ST7: variants seen among roughly 807,000 people sequenced by gnomAD.
ST7 encodes the protein suppression of tumorigenicity 7.
Under a neutral mutation model 78.7 loss-of-function variants are expected in ST7, and 28 were observed. The ratio of observed to expected loss-of-function variants is 0.36; its 90% CI spans 0.26 to 0.49. The LOEUF (loss-of-function observed/expected upper bound fraction) is 0.49. ST7 is among the 20% of genes least tolerant of loss of function. The pLI is 0.99. For missense variants in ST7, 418 were observed against 696.0 expected (o/e 0.60, Z 4.49); for synonymous variants, 247 against 249.6 (o/e 0.99, Z 0.10).
intron 1 of ST7, among the ~76,000 whole-genome samples, chr7:117,006,900 A>G (rs1403247566): frequency 6.6e-6 from 1 of 152,186 alleles, no homozygotes; most frequent in Non-Finnish European, 1.5e-5. Context: ...GGGTGCCGCA[A>G]ACCACATCCA....
rs1465703673 is a variant in ST7 at position 117,106,242 on chromosome 7, C to T, written c.234+6398C>T. 2.6e-5 allele frequency among the ~76,000 whole-genome samples: 4 copies of T among 152,232 alleles called. No homozygotes were observed. In the East Asian group the frequency reaches 7.8e-4, roughly 30 times the overall value. ...CTCGATCTCCTGACCTCAAGATCCA[C>T]CCGCCTCGGCCTCCCAAAGTGCTGG... On this transcript the variant is annotated intron_variant, in intron 2 of 15. Coordinates refer to ENST00000323984, the MANE Select transcript of ST7 (RefSeq NM_001369598.1).
At chr7:117,095,730 T>C (rs1800978247) in intron 1 of ST7, among the ~76,000 whole-genome samples, 1 of 152,170 alleles carries the variant, frequency 6.6e-6, no homozygotes, top group Non-Finnish European at 1.5e-5. Flanking sequence ...TTGTTTTGCC[T>C]AGCCCTAACA....
intron 1 of ST7, among the ~76,000 whole-genome samples, chr7:117,080,438 A>G: frequency 6.6e-6 from 1 of 152,156 alleles, no homozygotes; most frequent in East Asian, 1.9e-4. Context: ...TATCATATAG[A>G]TATTTAATAT....
At chr7:117,020,593 C>A (rs777442550) in intron 1 of ST7, 1 of 1,550,040 alleles carries the variant, frequency 6.5e-7, no homozygotes, top group South Asian at 1.2e-5. Flanking sequence ...TAAAAAGCAG[C>A]CTCTGGAGCC....
intron 6 of ST7, among the ~76,000 whole-genome samples, chr7:117,133,191 T>G (rs574315664): frequency 6.6e-6 from 1 of 152,080 alleles, no homozygotes; most frequent in South Asian, 2.1e-4. Flanking sequence ...TGTTCTGTAG[T>G]TTGGGAAGTC....
At chr7:117,203,499 T>C (rs945746768) in intron 12 of ST7, among the ~76,000 whole-genome samples, 3 of 152,212 alleles carry the variant, frequency 2.0e-5, no homozygotes, top group Admixed American at 2.0e-4. Flanking sequence ...TTTGGTAGGC[T>C]TTGATGCTTT....
chr7:117,032,303 G>GT (rs1796643975), intron 1 of ST7, among the ~76,000 whole-genome samples: 1 of 151,820 alleles, frequency 6.6e-6, no homozygotes, highest in East Asian at 1.9e-4. Flanking sequence ...CTTGTTTGTC[G>GT]TATCTTAGGA....
At chr7:117,033,696 T>A (rs1353507970) in intron 1 of ST7, among the ~76,000 whole-genome samples, 2 of 152,212 alleles carry the variant, frequency 1.3e-5, no homozygotes, top group African/African-American at 4.8e-5. Context: ...AGTGCTGGGA[T>A]TACAGGCGTG....
intron 2 of ST7, among the ~76,000 whole-genome samples, chr7:117,104,175 T>TA (rs1801780504): frequency 5.9e-5 from 9 of 152,210 alleles, no homozygotes; most frequent in Admixed American, 2.6e-4. Flanking sequence ...GTGCAGTGGC[T>TA]CACGCCTGCA....
chr7:117,058,257 C>A (rs778254249), intron 1 of ST7, among the ~76,000 whole-genome samples: 9 of 151,938 alleles, frequency 5.9e-5, no homozygotes, highest in Non-Finnish European at 1.2e-4. Context: ...TGCACAAGAG[C>A]GGTTATTTCC....
intron 2 of ST7, among the ~76,000 whole-genome samples, chr7:117,103,410 G>A (rs1563083327): frequency 2.0e-5 from 3 of 152,144 alleles, no homozygotes; most frequent in African/African-American, 7.2e-5. Flanking sequence ...CAGACACATA[G>A]CAATGGAACA....
At chr7:116,995,653 A>G (rs193137841) in intron 1 of ST7, among the ~76,000 whole-genome samples, 1 of 152,254 alleles carries the variant, frequency 6.6e-6, no homozygotes, top group East Asian at 1.9e-4. Context: ...CATTCCTGCT[A>G]TTCAGCTCCT....
intron 1 of ST7, among the ~76,000 whole-genome samples, chr7:117,001,823 T>C (rs957056550): frequency 6.6e-6 from 1 of 152,190 alleles, no homozygotes; most frequent in Admixed American, 6.5e-5. Context: ...CTTTTGTTGT[T>C]CCACAAAGAT....
At chr7:117,120,112 G>A (rs1344470476) in intron 3 of ST7, among the ~76,000 whole-genome samples, 1 of 152,010 alleles carries the variant, frequency 6.6e-6, no homozygotes, top group Non-Finnish European at 1.5e-5. Flanking sequence ...TGTATCTTTT[G>A]TAGAGTGGGC....
intron 1 of ST7, among the ~76,000 whole-genome samples, chr7:117,002,754 T>C (rs1315758387): frequency 6.6e-6 from 1 of 151,518 alleles, no homozygotes; most frequent in Non-Finnish European, 1.5e-5. Flanking sequence ...CAAAATCTGT[T>C]TATGATTTTA....
chr7:117,194,118 C>T (rs73211943), intron 12 of ST7, among the ~76,000 whole-genome samples: 18,975 of 152,020 alleles, frequency 0.12, 1,304 homozygotes, highest in Non-Finnish European at 0.16. Context: ...CAGATGGATG[C>T]GAAACACTAG....
intron 10 of ST7, among the ~76,000 whole-genome samples, chr7:117,188,759 A>G (rs1809507289): frequency 7.1e-6 from 1 of 141,546 alleles, no homozygotes; most frequent in South Asian, 2.1e-4. Context: ...TTATTTATAT[A>G]TTAGACATAT....
At chr7:117,075,222 C>T (rs1285027230) in intron 1 of ST7, among the ~76,000 whole-genome samples, 1 of 152,000 alleles carries the variant, frequency 6.6e-6, no homozygotes, top group African/African-American at 2.4e-5. Context: ...TGGCCAGTAT[C>T]CTTAATGTTA....
intron 1 of ST7, among the ~76,000 whole-genome samples, chr7:116,992,489 G>T (rs1794473795): frequency 6.6e-6 from 1 of 152,214 alleles, no homozygotes; most frequent in African/African-American, 2.4e-5. Flanking sequence ...AGTCACGGCT[G>T]GAGCAGCTGG....
Sources: gnomAD v4.1 joint callset for allele counts (sites outside exome capture counted in the v4.1 genomes callset) on GRCh38, gnomAD v4.1.1 for gene constraint, MANE v1.5 for transcripts, NCBI Gene and HGNC (gene_info 2026-07-23, HGNC 2026-07-21) for gene names.